PRSS12: variants seen among roughly 807,000 people sequenced by gnomAD.
The protein encoded by PRSS12 is serine protease 12.
In PRSS12, 85 loss-of-function variants were observed where a neutral mutation model predicts 104.4. The observed-to-expected ratio is 0.81, with a 90% CI of 0.68 to 0.98. PRSS12 has a LOEUF of 0.98. Among genes scored for constraint, PRSS12 ranks in the 50% least tolerant of loss-of-function variants. The pLI is 0.00. For synonymous variants in PRSS12, 454 were observed against 425.2 expected (o/e 1.07, Z -0.83); for missense variants, 1,141 against 1,139.2 (o/e 1.00, Z -0.02).
At chr4:118,298,224 A>T (rs1743299974) in intron 9 of PRSS12, among the ~76,000 whole-genome samples, 1 of 152,164 alleles carries the variant, frequency 6.6e-6, no homozygotes, top group Non-Finnish European at 1.5e-5. Flanking sequence ...ACTGTATCAT[A>T]CGAAAGGATT....
intron 4 of PRSS12, among the ~76,000 whole-genome samples, chr4:118,327,642 C>A (rs895827961): frequency 2.0e-5 from 3 of 152,110 alleles, no homozygotes; most frequent in African/African-American, 7.2e-5. Context: ...TCTCACAGTA[C>A]AAAGCTATGC....
chr4:118,281,928 A>C lies in PRSS12; in HGVS notation c.*8T>G, dbSNP rs747833223. 8.6e-7 allele frequency: 1 copy of C among 1,158,974 alleles called. No individual in the cohort carries two copies. Among genetic ancestry groups the C allele is most frequent in the Non-Finnish European group, 1.3e-6 (1 of 764,012 alleles). 71.8% of individuals were successfully genotyped at this position (1,158,974 alleles called of 1,614,324 possible). On this transcript the variant is annotated 3_prime_UTR_variant, in exon 13 of 13. Coordinates refer to ENST00000296498, the MANE Select transcript of PRSS12 (RefSeq NM_003619.4). ...GTTTAAATGCTGCTTTGAAGTTTCC[A>C]TGAAGAATTACAGTTTGGTGACACT...
intron 3 of PRSS12, among the ~76,000 whole-genome samples, chr4:118,333,805 T>A (rs1398111322): frequency 6.6e-6 from 1 of 152,118 alleles, no homozygotes; most frequent in Non-Finnish European, 1.5e-5. Flanking sequence ...ACTGTTAAAA[T>A]ATAAAAAATA....
intron 1 of PRSS12, among the ~76,000 whole-genome samples, chr4:118,338,659 T>G (rs1724122076): frequency 6.6e-6 from 1 of 152,160 alleles, no homozygotes; most frequent in South Asian, 2.1e-4. Context: ...ATGACTAATA[T>G]CAGATCTTGT....
chr4:118,299,997 C>T (rs1166372903), intron 8 of PRSS12, among the ~76,000 whole-genome samples: 1 of 148,738 alleles, frequency 6.7e-6, no homozygotes, highest in African/African-American at 2.5e-5. Flanking sequence ...AAAAGAAGTA[C>T]AATTTTTTAT....
In PRSS12 at chr4:118,282,827, T is replaced by C. The variant is rs775012402; in HGVS notation, c.2320+4A>G. ...GTGCCCTGCTTTTTTTGATTATGCC[T>C]TACCTGTGTCACCCCATCCTGTTAT... is the stretch of plus-strand genomic sequence containing the variant. On this transcript the variant is annotated splice_donor_region_variant and intron_variant, in intron 12 of 12. Coordinates refer to ENST00000296498, the MANE Select transcript of PRSS12 (RefSeq NM_003619.4). 3 of 1,614,132 alleles carry C rather than the reference T, an allele frequency of 1.9e-6. No individual in the cohort carries two copies. The South Asian group carries it at 3.3e-5, about 18-fold the overall frequency.
intron 1 of PRSS12, among the ~76,000 whole-genome samples, chr4:118,348,271 A>G (rs935236117): frequency 6.6e-6 from 1 of 152,242 alleles, no homozygotes; most frequent in Non-Finnish European, 1.5e-5. Flanking sequence ...TGGTCAAATA[A>G]AAAACCAGAA....
At chr4:118,298,011 G>A (rs1038700824) in intron 9 of PRSS12, among the ~76,000 whole-genome samples, 3 of 151,826 alleles carry the variant, frequency 2.0e-5, no homozygotes, top group Non-Finnish European at 4.4e-5. Flanking sequence ...GGTGGCAGGC[G>A]CCTGTAATCC....
Position 118,308,588 on chromosome 4 carries a change from AT to A in PRSS12, c.1490-12del, listed in dbSNP as rs1264679093. 1 of 1,613,044 alleles carries A rather than the reference AT, an allele frequency of 6.2e-7. No individual in the cohort carries two copies. The highest frequency in any genetic ancestry group is 2.2e-5 in the East Asian group (1 of 44,840). ...GTCTGACAGGAAAACCTAAGTCATG[AT>A]TCAAAAGTATTAGAACAGCCCAAAC... On this transcript the variant is annotated splice_polypyrimidine_tract_variant and intron_variant, in intron 7 of 12. Coordinates refer to ENST00000296498, the MANE Select transcript of PRSS12 (RefSeq NM_003619.4).
intron 6 of PRSS12, among the ~76,000 whole-genome samples, chr4:118,315,697 A>G (rs948024382): frequency 6.6e-6 from 1 of 152,240 alleles, no homozygotes; most frequent in African/African-American, 2.4e-5. Flanking sequence ...GAGTGAGGTC[A>G]AAAGCAAGTT....
At chr4:118,297,549 A>G (rs1258324274) in intron 9 of PRSS12, among the ~76,000 whole-genome samples, 2 of 151,574 alleles carry the variant, frequency 1.3e-5, no homozygotes, top group Admixed American at 1.3e-4. Context: ...ATATATGAAT[A>G]GAAAATAAAG....
intron 7 of PRSS12, among the ~76,000 whole-genome samples, chr4:118,310,656 G>GGAGAA (rs1743686640): frequency 6.6e-6 from 1 of 152,114 alleles, no homozygotes; most frequent in African/African-American, 2.4e-5. Context: ...GCTTTCAGTA[G>GGAGAA]TTTTCTTTGA....
intron 8 of PRSS12, among the ~76,000 whole-genome samples, chr4:118,300,221 T>C (rs115254178): frequency 1.4e-3 from 215 of 151,972 alleles, no homozygotes; most frequent in Non-Finnish European, 2.5e-3. Flanking sequence ...CCATGTTGCC[T>C]AGGCTAATCT....
At chr4:118,322,493 C>T (rs2126037209) in intron 4 of PRSS12, among the ~76,000 whole-genome samples, 1 of 151,458 alleles carries the variant, frequency 6.6e-6, no homozygotes, top group Non-Finnish European at 1.5e-5. Context: ...TTGCAGTGAG[C>T]TGAGATTGCG....
intron 7 of PRSS12, among the ~76,000 whole-genome samples, chr4:118,310,001 A>G (rs1428804446): frequency 6.6e-6 from 1 of 152,212 alleles, no homozygotes; most frequent in Non-Finnish European, 1.5e-5. Context: ...GCGGAATCAC[A>G]GAGCAAAATC....
rs1243130912 is a variant in PRSS12 at position 118,352,736 on chromosome 4, G to A, written c.-16C>T. On this transcript the variant is annotated 5_prime_UTR_variant, in exon 1 of 13. Transcript: ENST00000296498. ...CGAGCGTCATGGTGCCAGCGCTGCG[G>A]GGTCTGGTCCATGCTCCCCAGCTTC... is the stretch of plus-strand genomic sequence containing the variant. 4 of 1,612,214 alleles carry A rather than the reference G, an allele frequency of 2.5e-6. No individual in the cohort carries two copies. The highest frequency in any genetic ancestry group is 3.4e-6 in the Non-Finnish European group (4 of 1,179,108).
chr4:118,349,703 G>A (rs1053325866), intron 1 of PRSS12, among the ~76,000 whole-genome samples: 1 of 151,900 alleles, frequency 6.6e-6, no homozygotes, highest in African/African-American at 2.4e-5. Flanking sequence ...TCAGAAGGTT[G>A]CTACAAGAAT....
intron 1 of PRSS12, among the ~76,000 whole-genome samples, chr4:118,341,160 G>T (rs1056076200): frequency 6.6e-6 from 1 of 152,042 alleles, no homozygotes; most frequent in Non-Finnish European, 1.5e-5. Context: ...TAGTTTCTGC[G>T]GCTAGCCTCA....
rs569223594 is a variant in PRSS12, at chr4:118,328,281, C to A, written c.971+3435G>T. Reference sequence around the variant, plus strand: ...CAGAGTACTTATAATAAAAACAAATCTCTATAAAGCTGGATTGTTATTTGT... The same window carrying A: ...CAGAGTACTTATAATAAAAACAAATATCTATAAAGCTGGATTGTTATTTGT... On this transcript the variant is annotated intron_variant, in intron 4 of 12. Coordinates refer to ENST00000296498, the MANE Select transcript of PRSS12 (RefSeq NM_003619.4). 6.9e-4 allele frequency among the ~76,000 whole-genome samples: 105 copies of A among 152,294 alleles called. 2 individuals carry two copies. The South Asian group carries it at 0.021, about 31-fold the overall frequency.
Sources: gnomAD v4.1 joint callset for allele counts (sites outside exome capture counted in the v4.1 genomes callset) on GRCh38, gnomAD v4.1.1 for gene constraint, MANE v1.5 for transcripts, NCBI Gene and HGNC (gene_info 2026-07-23, HGNC 2026-07-21) for gene names.